THRSP: variants seen among roughly 807,000 people sequenced by gnomAD.
The protein encoded by THRSP is thyroid hormone-inducible hepatic protein.
A neutral mutation model predicts 11.1 loss-of-function variants in THRSP; 9 were observed. The observed-to-expected ratio is 0.81, with a 90% CI of 0.49 to 1.42. The LOEUF (loss-of-function observed/expected upper bound fraction) is 1.42. THRSP is among the 40% of genes most tolerant of loss of function. The probability of loss-of-function intolerance (pLI) is 0.00; values close to 1 mark genes in which losing one functional copy is unlikely to be tolerated. For synonymous variants in THRSP, 73 were observed against 78.1 expected, an observed-to-expected ratio of 0.94 and a Z score of 0.34; for missense variants, 177 against 188.2, an observed-to-expected ratio of 0.94 and a Z score of 0.35.
At chr11:78,066,166 C>T (rs991555193) in intron 1 of THRSP, among the ~76,000 whole-genome samples, 1 of 152,074 alleles carries the variant, frequency 6.6e-6, no homozygotes, top group African/African-American at 2.4e-5. Flanking sequence ...ATTATCATCC[C>T]CCCCCACCTT....
intron 1 of THRSP, among the ~76,000 whole-genome samples, chr11:78,064,621 T>C (rs671445): frequency 0.66 from 100,040 of 152,112 alleles, 33,170 homozygotes; most frequent in Non-Finnish European, 0.69. Context: ...TGTTTGTGCA[T>C]GTGTGCATTT....
intron 1 of THRSP, among the ~76,000 whole-genome samples, chr11:78,065,896 G>A (rs796985926): frequency 1.3e-5 from 2 of 152,300 alleles, no homozygotes; most frequent in African/African-American, 4.8e-5. Flanking sequence ...AACCCAAACT[G>A]TCAACCTCAA....
Position 78,068,135 on chromosome 11 carries a change from T to G in THRSP, c.*496T>G, listed in dbSNP as rs1858825912. 1 of 152,112 alleles carries G rather than the reference T, an allele frequency of 6.6e-6. No individual in the cohort carries two copies. 9.4% of individuals were successfully genotyped at this position (152,112 alleles called of 1,614,324 possible). On this transcript the variant is annotated 3_prime_UTR_variant, in exon 2 of 2. Coordinates refer to ENST00000281030, the MANE Select transcript of THRSP (RefSeq NM_003251.4). The stretch of plus-strand genomic sequence containing the variant: ...TGATGAATCAAAAGCACTTGGCATG[T>G]GAGGGCTATTAAAATAGCCTGATTT...
intron 1 of THRSP, among the ~76,000 whole-genome samples, chr11:78,066,473 C>T (rs962753225): frequency 1.3e-5 from 2 of 152,078 alleles, no homozygotes; most frequent in Non-Finnish European, 2.9e-5. Context: ...CCTATCATTC[C>T]CTTTTGCAGA....
At chr11:78,065,993 G>T (rs563186124) in intron 1 of THRSP, among the ~76,000 whole-genome samples, 1 of 152,180 alleles carries the variant, frequency 6.6e-6, no homozygotes, top group Non-Finnish European at 1.5e-5. Context: ...ACAGCTCTGG[G>T]TTCACGTTCT....
At chr11:78,067,305 A>G (rs1858788178) in intron 1 of THRSP, among the ~76,000 whole-genome samples, 1 of 151,854 alleles carries the variant, frequency 6.6e-6, no homozygotes, top group East Asian at 1.9e-4. Context: ...TACTTTTAGT[A>G]GAGACAGGGT....
chr11:78,064,385 T>G, intron 1 of THRSP, 44 bp downstream of exon 1: 1 of 1,509,542 alleles, frequency 6.6e-7, no homozygotes, highest in Non-Finnish European at 9.0e-7. Context: ...CAAAGGGACA[T>G]TCCAGGAGAG....
Position 78,064,423 on chromosome 11 carries a change from G to A in THRSP, c.*19+82G>A, listed in dbSNP as rs928855753. On this transcript the variant is annotated intron_variant, in intron 1 of 1. Coordinates refer to ENST00000281030, the MANE Select transcript of THRSP (RefSeq NM_003251.4). ...GAGGGGGCAGTGGTGCAACCCACTGGGAGAGGAACAGCCTGACTTTCAGAC... is the reference window on the plus strand; with the variant it reads ...GAGGGGGCAGTGGTGCAACCCACTGAGAGAGGAACAGCCTGACTTTCAGAC... 1.1e-5 allele frequency: 13 copies of A among 1,192,702 alleles called. No homozygotes were observed. In the East Asian group the frequency reaches 3.3e-4, roughly 30 times the overall value. The allele number at this position is 1,192,702 out of a possible 1,614,324, so 73.9% of individuals were successfully genotyped here.
At chr11:78,064,366 G>A (rs1342905237) in intron 1 of THRSP, 25 bp downstream of exon 1, 4 of 1,557,580 alleles carry the variant, frequency 2.6e-6, no homozygotes, top group South Asian at 1.2e-5. Flanking sequence ...GCTGGTGGGT[G>A]TGAGTCTACA....
At chr11:78,066,512 A>G (rs1253576949) in intron 1 of THRSP, among the ~76,000 whole-genome samples, 1 of 152,190 alleles carries the variant, frequency 6.6e-6, no homozygotes, top group African/African-American at 2.4e-5. Context: ...GAGAAGTAAA[A>G]TGAGTCCAAG....
intron 1 of THRSP, among the ~76,000 whole-genome samples, chr11:78,066,191 C>T (rs935167516): frequency 2.0e-5 from 3 of 152,122 alleles, no homozygotes; most frequent in East Asian, 1.9e-4. Context: ...AATTTTGAGA[C>T]GGAGTCTCAC....
intron 1 of THRSP, among the ~76,000 whole-genome samples, chr11:78,064,550 A>C (rs959144843): frequency 1.3e-5 from 2 of 152,188 alleles, no homozygotes; most frequent in African/African-American, 4.8e-5. Context: ...ATTGCAATGA[A>C]GTGATATGGA....
chr11:78,066,975 G>A (rs1032209733), intron 1 of THRSP, among the ~76,000 whole-genome samples: 3 of 151,794 alleles, frequency 2.0e-5, no homozygotes, highest in East Asian at 1.9e-4. Context: ...ACAGGTGCAC[G>A]CCACTACACC....
chr11:78,066,032 T>A (rs548876290), intron 1 of THRSP, among the ~76,000 whole-genome samples: 117 of 152,376 alleles, frequency 7.7e-4, no homozygotes, highest in African/African-American at 2.5e-3. Context: ...CTGTGGGGCC[T>A]TGGGCAAGCT....
intron 1 of THRSP, among the ~76,000 whole-genome samples, chr11:78,066,174 C>A (rs1565327671): frequency 6.6e-6 from 1 of 152,130 alleles, no homozygotes; most frequent in African/African-American, 2.4e-5. Flanking sequence ...CCCCCCCCAC[C>A]TTTTTAAATT....
chr11:78,065,807 C>T (rs1306169938), intron 1 of THRSP, among the ~76,000 whole-genome samples: 1 of 152,252 alleles, frequency 6.6e-6, no homozygotes, highest in South Asian at 2.1e-4. Flanking sequence ...GCGGAATAAA[C>T]ATGGGACCCC....
Position 78,064,942 on chromosome 11 carries a change from T to C in THRSP, c.*19+601T>C, listed in dbSNP as rs189250082. 9.8e-4 allele frequency among the ~76,000 whole-genome samples: 148 copies of C among 150,988 alleles called. 1 individual carries two copies. The highest frequency in any genetic ancestry group is 3.6e-3 in the African/African-American group (147 of 40,994). ...AGGCAGAGGTTGCAGTGAGCTGAGA[T>C]TGTGCCACTGCACTCCAGCCTAGGT... On this transcript the variant is annotated intron_variant, in intron 1 of 1. Coordinates refer to ENST00000281030, the MANE Select transcript of THRSP (RefSeq NM_003251.4).
At chr11:78,064,832 A>G (rs1858687094) in intron 1 of THRSP, among the ~76,000 whole-genome samples, 1 of 152,054 alleles carries the variant, frequency 6.6e-6, no homozygotes, top group South Asian at 2.1e-4. Context: ...TACTAAAAAT[A>G]CAAAAAATTA....
intron 1 of THRSP, 50 bp downstream of exon 1, chr11:78,064,391 G>A: frequency 1.4e-6 from 2 of 1,481,378 alleles, no homozygotes; most frequent in Non-Finnish European, 1.8e-6. Flanking sequence ...GACATTCCAG[G>A]AGAGGAGAGG....
Sources: gnomAD v4.1 joint callset for allele counts (sites outside exome capture counted in the v4.1 genomes callset) on GRCh38, gnomAD v4.1.1 for gene constraint, MANE v1.5 for transcripts, NCBI Gene and HGNC (gene_info 2026-07-23, HGNC 2026-07-21) for gene names.